The following DNAI3 variants were observed in gnomAD, a reference collection of about 807,000 sequenced individuals.
DNAI3 encodes the protein dynein axonemal intermediate chain 3, also known as WD repeat domain 63.
In DNAI3, 83 loss-of-function variants were observed where a neutral mutation model predicts 115.5. That is an observed-to-expected ratio of 0.72 (90% CI 0.60 to 0.86). The LOEUF is 0.86. Among genes scored for constraint, DNAI3 ranks in the 40% least tolerant of loss-of-function variants. The pLI is 0.00. For synonymous variants in DNAI3, 320 were observed against 347.0 expected, an observed-to-expected ratio of 0.92 and a Z score of 0.86; for missense variants, 1,004 against 1,075.8, an observed-to-expected ratio of 0.93 and a Z score of 0.93.
rs758045241 is a variant in DNAI3, at chr1:85,097,626, G to T, written c.1321G>T (p.Gly441Cys). The change falls in exon 12 of 23, where the codon GGT becomes TGT. Residue 441 changes from glycine to cysteine, a missense_variant. By Grantham distance (159) the Gly-to-Cys change is radical. Around this residue, in one of 3 missense-constraint regions of DNAI3, gnomAD observed 550 missense variants for 568.1 expected, o/e 0.97. Transcript: ENST00000294664. Reference sequence around the variant, plus strand: ...TCGCATAGAAAACATTAAGGCAGGTGGTAGTAGAAGTAAAAGAGCCACACT... The same window carrying T: ...TCGCATAGAAAACATTAAGGCAGGTTGTAGTAGAAGTAAAAGAGCCACACT... ...ADRIENIKAG[G>C]SRSKRATLKP... 7 of 1,612,468 alleles carry T rather than the reference G, an allele frequency of 4.3e-6. No individual in the cohort carries two copies. Among genetic ancestry groups the T allele is most frequent in the Non-Finnish European group, 5.1e-6 (6 of 1,179,352 alleles).
chr1:85,097,477 C>A, intron 11 of DNAI3, 92 bp from the exon 12 acceptor site: 1 of 1,178,356 alleles, frequency 8.5e-7, no homozygotes, highest in Non-Finnish European at 1.2e-6. Flanking sequence ...AGGTGATTGA[C>A]TTATCAGGCT....
At chr1:85,094,369 CT>C (rs1451925998) in intron 9 of DNAI3, 61 bp from the exon 10 acceptor site, 1 of 1,598,836 alleles carries the variant, frequency 6.3e-7, no homozygotes, top group African/African-American at 1.3e-5. Context: ...AAAGCAAAAG[CT>C]AGAGACATCT....
chr1:85,106,475 C>G (rs1268052714), intron 14 of DNAI3, among the ~76,000 whole-genome samples: 1 of 152,028 alleles, frequency 6.6e-6, no homozygotes, highest in Non-Finnish European at 1.5e-5. Context: ...AGATATTTCC[C>G]CAAAGAAGAT....
chr1:85,081,946 C>G (rs1193908793), intron 4 of DNAI3, among the ~76,000 whole-genome samples: 1 of 152,134 alleles, frequency 6.6e-6, no homozygotes, highest in Non-Finnish European at 1.5e-5. Flanking sequence ...CCGCCTTTGC[C>G]CAGTTTTAAC....
intron 1 of DNAI3, among the ~76,000 whole-genome samples, chr1:85,070,251 ACT>A (rs1457337325): frequency 6.6e-6 from 1 of 152,070 alleles, no homozygotes; most frequent in Admixed American, 6.5e-5. Flanking sequence ...ACAGAGTGAA[ACT>A]CTGTCTCAAA....
chr1:85,116,811 T>A (rs1655832238), intron 16 of DNAI3, among the ~76,000 whole-genome samples: 1 of 152,204 alleles, frequency 6.6e-6, no homozygotes, highest in South Asian at 2.1e-4. Context: ...TCGTTTTTGA[T>A]GTCTTACTTA....
chr1:85,093,602 A>C lies in DNAI3; in HGVS notation c.1002A>C (p.Pro334=). 1 of 1,614,218 alleles carries C rather than the reference A, an allele frequency of 6.2e-7. No homozygotes were observed. Among genetic ancestry groups the C allele is most frequent in the Non-Finnish European group, 8.5e-7 (1 of 1,180,036 alleles). The change falls in exon 9 of 23, where the codon CCA becomes CCC. Residue 334 remains proline, a synonymous_variant. Transcript: ENST00000294664. ...AGTCCTTTACCGACCTTCATAGCCCAACGGAGAAAATGATTACCTGTGTCT... is the reference window on the plus strand; with the variant it reads ...AGTCCTTTACCGACCTTCATAGCCCCACGGAGAAAATGATTACCTGTGTCT... ...EYQSFTDLHS[P]TEKMITCVSW... is the part of the protein sequence containing the mutation.
In DNAI3 at chr1:85,130,047, C is replaced by T; in HGVS notation, c.2467C>T (p.Gln823Ter). 1.2e-6 allele frequency: 2 copies of T among 1,613,608 alleles called. No homozygotes were observed. Among genetic ancestry groups the T allele is most frequent in the Non-Finnish European group, 8.5e-7 (1 of 1,179,800 alleles). ...AGTCAAGCATCTGGAATACGTAGAA[C>T]AGCGCAAAAAAATTCGTGAGCAAGA... is the stretch of plus-strand genomic sequence containing the variant. The part of the protein sequence containing the change: ...REVKHLEYVE[Q>*]RKKIREQEKK... The change falls in exon 22 of 23, where the codon CAG (glutamine) becomes TAG (stop). Residue 823 changes from glutamine (Q) to a stop codon, truncating the protein, a stop_gained. Coordinates refer to ENST00000294664, the MANE Select transcript of DNAI3 (RefSeq NM_145172.5). LOFTEE classifies it high-confidence loss of function.
Position 85,082,327 on chromosome 1 carries a change from G to C in DNAI3, c.313G>C (p.Val105Leu). The change falls in exon 5 of 23, where the codon GTT becomes CTT. Residue 105 changes from valine (V) to leucine (L), a missense_variant. Val to Leu is a conservative substitution (Grantham distance 32, BLOSUM62 1). Transcript: ENST00000294664. ...QEYPGNELLLVYDKDFKYGLN... is the reference protein window; with the variant it reads ...QEYPGNELLLLYDKDFKYGLN... The stretch of plus-strand genomic sequence containing the variant: ...ATATCCTGGAAATGAGCTTCTGCTT[G>C]TTTATGACAAAGACTTCAAATATGG... The C allele has an allele frequency of 1.1e-5, 18 of 1,613,594 alleles. No homozygotes were observed. Among genetic ancestry groups the C allele is most frequent in the Non-Finnish European group, 1.4e-5 (17 of 1,179,762 alleles).
At chr1:85,093,187 T>G (rs1349017680) in intron 8 of DNAI3, among the ~76,000 whole-genome samples, 1 of 152,206 alleles carries the variant, frequency 6.6e-6, no homozygotes, top group Non-Finnish European at 1.5e-5. Flanking sequence ...TGCAGCTGCA[T>G]GCTCAGGCAT....
intron 4 of DNAI3, among the ~76,000 whole-genome samples, chr1:85,081,864 C>T (rs1654643823): frequency 6.6e-6 from 1 of 152,218 alleles, no homozygotes; most frequent in Admixed American, 6.5e-5. Flanking sequence ...TGGTCTCAAA[C>T]TCCTGAGCTC....
At chr1:85,123,993 C>A in intron 18 of DNAI3, 128 bp from the exon 19 acceptor site, 1 of 1,152,270 alleles carries the variant, frequency 8.7e-7, no homozygotes, top group Non-Finnish European at 1.2e-6. Flanking sequence ...TCCCAGCTAG[C>A]CTCTGGTTCT....
At chr1:85,094,866 G>C (rs1655080692) in intron 10 of DNAI3, among the ~76,000 whole-genome samples, 1 of 152,054 alleles carries the variant, frequency 6.6e-6, no homozygotes, top group South Asian at 2.1e-4. Flanking sequence ...ATAGATTTTA[G>C]TTTCACATGA....
intron 13 of DNAI3, among the ~76,000 whole-genome samples, chr1:85,102,280 C>T (rs1489854779): frequency 2.0e-5 from 3 of 151,992 alleles, no homozygotes; most frequent in Non-Finnish European, 4.4e-5. Context: ...CTGATTTCAT[C>T]TTTAAACATT....
Position 85,072,018 on chromosome 1 carries a change from C to A in DNAI3, c.64+13C>A, listed in dbSNP as rs981497219. On this transcript the variant is annotated intron_variant, in intron 2 of 22. Transcript: ENST00000294664. ...CCAGTATTAGCTGGTAGGAATATTTCTTCATTGAATGGGATTTTTTGTGGA... is the reference window on the plus strand; with the variant it reads ...CCAGTATTAGCTGGTAGGAATATTTATTCATTGAATGGGATTTTTTGTGGA... 8.1e-6 allele frequency: 13 copies of A among 1,603,708 alleles called. No homozygotes were observed. The highest frequency in any genetic ancestry group is 1.1e-5 in the Non-Finnish European group (13 of 1,177,492).
At chr1:85,101,399 G>A (rs1655304416) in intron 13 of DNAI3, among the ~76,000 whole-genome samples, 2 of 152,102 alleles carry the variant, frequency 1.3e-5, no homozygotes, top group Non-Finnish European at 2.9e-5. Flanking sequence ...CACCATGCAT[G>A]CAATTTAACT....
At chr1:85,086,255 C>A (rs1292433387) in intron 7 of DNAI3, among the ~76,000 whole-genome samples, 1 of 152,160 alleles carries the variant, frequency 6.6e-6, no homozygotes, top group Non-Finnish European at 1.5e-5. Context: ...ATTGTAAAGA[C>A]TGGAGTGGGA....
chr1:85,094,815 C>A (rs150579098), intron 10 of DNAI3, among the ~76,000 whole-genome samples: 1 of 152,202 alleles, frequency 6.6e-6, no homozygotes, highest in East Asian at 1.9e-4. Flanking sequence ...AAAACAAACT[C>A]TTTTATGGAC....
rs188246227 is a variant in DNAI3 at position 85,094,343 on chromosome 1, A to G, written c.1049-88A>G. The G allele has an allele frequency of 4.5e-6, 7 of 1,538,744 alleles. No homozygotes were observed. In the African/African-American group the frequency reaches 6.8e-5, roughly 15 times the overall value. Reference sequence around the variant, plus strand: ...TCTCCTGTGGACAAAGTGTAAATGAAGAGTGGCTGTGTAGAAAAGCAAAAG... The same window carrying G: ...TCTCCTGTGGACAAAGTGTAAATGAGGAGTGGCTGTGTAGAAAAGCAAAAG... On this transcript the variant is annotated intron_variant, in intron 9 of 22. Coordinates refer to ENST00000294664, the MANE Select transcript of DNAI3 (RefSeq NM_145172.5).
Sources: gnomAD v4.1 joint callset for allele counts (sites outside exome capture counted in the v4.1 genomes callset) on GRCh38, gnomAD v4.1.1 for gene constraint, gnomAD v4.1.1 regional missense constraint, MANE v1.5 for transcripts, NCBI Gene and HGNC (gene_info 2026-07-23, HGNC 2026-07-21) for gene names.